The following PATJ variants were observed in gnomAD, a reference collection of about 807,000 sequenced individuals.
PATJ encodes inaD-like protein.
Under a neutral mutation model 224.9 loss-of-function variants are expected in PATJ, and 190 were observed. The observed-to-expected ratio is 0.84, with a 90% CI of 0.75 to 0.95. PATJ has a LOEUF of 0.95. Among genes scored for constraint, PATJ ranks in the 40% least tolerant of loss-of-function variants. The pLI is 0.00. For missense variants in PATJ, 2,121 were observed against 2,270.3 expected (o/e 0.93, Z 1.34); for synonymous variants, 769 against 820.3 (o/e 0.94, Z 1.07).
At chr1:61,809,598 G>T (rs1044132130) in intron 14 of PATJ, among the ~76,000 whole-genome samples, 5 of 151,768 alleles carry the variant, frequency 3.3e-5, no homozygotes, top group Non-Finnish European at 7.4e-5. Context: ...TGTTGGTCAC[G>T]CTGGTCTCCA....
intron 24 of PATJ, among the ~76,000 whole-genome samples, chr1:61,907,628 C>G (rs758466359): frequency 2.6e-5 from 4 of 152,132 alleles, no homozygotes; most frequent in Non-Finnish European, 5.9e-5. Flanking sequence ...TTCCTCGGTC[C>G]TCTAATAGCA....
rs376243010 is a variant in PATJ, at chr1:61,851,304, A to G, written c.2113-4726A>G. On this transcript the variant is annotated intron_variant, in intron 17 of 43. Coordinates refer to ENST00000642238, the MANE Select transcript of PATJ (RefSeq NM_001350145.3). ...CTTTTTTGGTTTAGGGATATCACAG[A>G]GTAGGAAGTGCTTGGGTCTTCAGGG... Among the ~76,000 whole-genome samples, 35 of 152,280 alleles carry G rather than the reference A, an allele frequency of 2.3e-4. 1 individual carries two copies. The East Asian group carries it at 6.2e-3, about 27-fold the overall frequency.
chr1:61,979,439 G>A (rs558095845), intron 27 of PATJ, among the ~76,000 whole-genome samples: 1 of 151,982 alleles, frequency 6.6e-6, no homozygotes, highest in Non-Finnish European at 1.5e-5. Context: ...CAGATCACGA[G>A]GTCAGGAGAT....
At chr1:61,942,614 G>A (rs146890516) in intron 27 of PATJ, among the ~76,000 whole-genome samples, 15 of 151,334 alleles carry the variant, frequency 9.9e-5, no homozygotes, top group African/African-American at 3.4e-4. Flanking sequence ...ACAGGGGCAC[G>A]ATCTCAGCTC....
intron 30 of PATJ, among the ~76,000 whole-genome samples, chr1:62,046,261 A>G (rs13374203): frequency 0.43 from 59,850 of 139,618 alleles, 13,494 homozygotes; most frequent in Middle Eastern, 0.53. Context: ...AGGGAGGGAA[A>G]GGATCCACAT....
chr1:61,813,412 C>G (rs1318483070), intron 14 of PATJ, among the ~76,000 whole-genome samples: 1 of 130,058 alleles, frequency 7.7e-6, no homozygotes, highest in Non-Finnish European at 1.6e-5. Context: ...CACACATATA[C>G]ATATTTGTAC....
At chr1:61,768,251 C>T (rs1354644278) in intron 4 of PATJ, among the ~76,000 whole-genome samples, 3 of 151,836 alleles carry the variant, frequency 2.0e-5, no homozygotes, top group Admixed American at 1.3e-4. Context: ...AGGCGGATCA[C>T]GAGGTCAGGA....
rs762956584 is a variant in PATJ, at chr1:61,763,193, C to T, written c.189+14C>T. 2.1e-6 allele frequency: 3 copies of T among 1,451,332 alleles called. No homozygotes were observed. The Admixed American group carries it at 6.5e-5, about 32-fold the overall frequency. The allele number at this position is 1,451,332 out of a possible 1,614,324, so 89.9% of individuals were successfully genotyped here. ...CTGAAGGGTCAAGTAAGTTACCCAT[C>T]AGAGTTTTACATTAATATATTATAT... On this transcript the variant is annotated intron_variant, in intron 3 of 43. Coordinates refer to ENST00000642238, the MANE Select transcript of PATJ (RefSeq NM_001350145.3).
At chr1:61,923,134 T>C (rs1674577374) in intron 26 of PATJ, among the ~76,000 whole-genome samples, 1 of 152,246 alleles carries the variant, frequency 6.6e-6, no homozygotes, top group Admixed American at 6.5e-5. Flanking sequence ...CTGAGTTATT[T>C]GTCACAAAGA....
chr1:61,992,298 A>G (rs1197117254), intron 28 of PATJ, among the ~76,000 whole-genome samples: 1 of 152,016 alleles, frequency 6.6e-6, no homozygotes, highest in Non-Finnish European at 1.5e-5. Context: ...TTGTATTTTT[A>G]GTAGAGATGG....
chr1:61,908,229 T>C, intron 24 of PATJ, 143 bp from the exon 25 acceptor site: 1 of 590,450 alleles, frequency 1.7e-6, no homozygotes, highest in Non-Finnish European at 3.0e-6. Context: ...AAGCTTTTTA[T>C]GGGCCAATCT....
At chr1:61,846,877 G>A (rs1662055113) in intron 17 of PATJ, among the ~76,000 whole-genome samples, 1 of 152,222 alleles carries the variant, frequency 6.6e-6, no homozygotes, top group Non-Finnish European at 1.5e-5. Context: ...GGGATTACAG[G>A]CATGAGCCAC....
chr1:62,125,254 C>CAAAAAA (rs779305398), intron 39 of PATJ, among the ~76,000 whole-genome samples: 8 of 71,420 alleles, frequency 1.1e-4, no homozygotes, highest in East Asian at 5.0e-4. Flanking sequence ...AAAAAAAAAA[C>CAAAAAA]AAAAAAAAAC....
intron 8 of PATJ, among the ~76,000 whole-genome samples, chr1:61,790,506 C>CTTTT (rs1255469790): frequency 1.9e-5 from 2 of 105,492 alleles, no homozygotes; most frequent in South Asian, 3.9e-4. Context: ...TTTTCTTCTT[C>CTTTT]TTTTTTTTGT....
rs766415748 is a variant in PATJ at position 62,079,443 on chromosome 1, T to G, written c.4126-7T>G. 2 of 1,569,888 alleles carry G rather than the reference T, an allele frequency of 1.3e-6. No individual in the cohort carries two copies. Among genetic ancestry groups the G allele is most frequent in the Non-Finnish European group, 1.8e-6 (2 of 1,141,374 alleles). ...TGATATTCATCTAATTTTCCTTTCTTTTGTAGGCTGTCAGCCAGATGAAAC... is the reference window on the plus strand; with the variant it reads ...TGATATTCATCTAATTTTCCTTTCTGTTGTAGGCTGTCAGCCAGATGAAAC... On this transcript the variant is annotated splice_polypyrimidine_tract_variant and splice_region_variant and intron_variant, in intron 31 of 43. Coordinates refer to ENST00000642238, the MANE Select transcript of PATJ (RefSeq NM_001350145.3).
chr1:62,149,019 T>C (rs1379010038), intron 42 of PATJ, among the ~76,000 whole-genome samples: 1 of 151,510 alleles, frequency 6.6e-6, no homozygotes, highest in Non-Finnish European at 1.5e-5. Context: ...TCCCAGCTAC[T>C]TGGGAGGCTG....
chr1:61,985,310 CAAAA>C (rs66603413), intron 27 of PATJ, among the ~76,000 whole-genome samples: 3 of 150,128 alleles, frequency 2.0e-5, no homozygotes, highest in Non-Finnish European at 3.0e-5. Context: ...GACTCTGACT[CAAAA>C]AAAAAGAAGC....
At chr1:61,808,435 T>C (rs775228973) in intron 13 of PATJ, 39 bp from the exon 14 acceptor site, 3 of 1,270,530 alleles carry the variant, frequency 2.4e-6, no homozygotes, top group South Asian at 1.2e-5. Context: ...AATACAGTTA[T>C]GCTTTTACAA....
chr1:62,128,403 T>C, intron 40 of PATJ: 1 of 310,476 alleles, frequency 3.2e-6, no homozygotes, highest in Non-Finnish European at 6.0e-6. Flanking sequence ...ACATTTGACC[T>C]TAGAGTCTTC....
Sources: gnomAD v4.1 joint callset for allele counts (sites outside exome capture counted in the v4.1 genomes callset) on GRCh38, gnomAD v4.1.1 for gene constraint, MANE v1.5 for transcripts, NCBI Gene and HGNC (gene_info 2026-07-23, HGNC 2026-07-21) for gene names.